Variants in GLP2R observed in about 807,000 individuals in gnomAD.
GLP2R encodes glucagon like peptide 2 receptor.
A neutral mutation model predicts 68.2 loss-of-function variants in GLP2R; 59 were observed. The observed-to-expected ratio is 0.87, with a 90% CI of 0.70 to 1.07. The LOEUF is 1.07. Among genes scored for constraint, GLP2R ranks in the 50% least tolerant of loss-of-function variants. The pLI, the probability that GLP2R is intolerant of heterozygous loss-of-function variation, is 0.00. For synonymous variants in GLP2R, 270 were observed against 265.4 expected, an observed-to-expected ratio of 1.02 and a Z score of -0.17; for missense variants, 548 against 677.4, an observed-to-expected ratio of 0.81 and a Z score of 2.12.
Position 9,889,550 on chromosome 17 carries a change from C to T in GLP2R, c.1507C>T (p.Leu503=), listed in dbSNP as rs772412979. ...LQPSLNSGRL[L]HLAMRGLGEL... is the part of the protein sequence containing the mutation. ...GCCCTCACTTAACAGTGGGCGGCTC[C>T]TACATCTAGCCATGCGAGGTCTTGG... The change falls in exon 13 of 13, where the codon CTA becomes TTA. Residue 503 remains leucine, a synonymous_variant. Coordinates refer to ENST00000262441, the MANE Select transcript of GLP2R (RefSeq NM_004246.3). 6 of 1,614,122 alleles carry T rather than the reference C, an allele frequency of 3.7e-6. No homozygotes were observed. In the East Asian group the frequency reaches 1.1e-4, roughly 30 times the overall value.
chr17:9,870,689 A>G (rs2067084133), intron 9 of GLP2R, 58 bp from the exon 10 acceptor site: 2 of 826,598 alleles, frequency 2.4e-6, no homozygotes, highest in African/African-American at 1.7e-5. Flanking sequence ...CTGACCTTGA[A>G]GTTCACAGCT....
At chr17:9,854,173 A>T (rs1315179288) in intron 4 of GLP2R, among the ~76,000 whole-genome samples, 1 of 152,170 alleles carries the variant, frequency 6.6e-6, no homozygotes, top group Non-Finnish European at 1.5e-5. Flanking sequence ...GCCTGTTCTC[A>T]TTCCCAAGGC....
intron 4 of GLP2R, chr17:9,853,274 C>T (rs1393313536): frequency 1.4e-5 from 4 of 278,684 alleles, no homozygotes; most frequent in Admixed American, 4.1e-5. Context: ...CTGGGGCCTC[C>T]GGGGGCTCAT....
chr17:9,881,004 G>A (rs1055042312), intron 11 of GLP2R, among the ~76,000 whole-genome samples: 4 of 152,138 alleles, frequency 2.6e-5, no homozygotes, highest in Non-Finnish European at 4.4e-5. Context: ...TTGTTACCTG[G>A]AAATATTTTG....
chr17:9,879,809 C>A (rs2067179236), intron 10 of GLP2R, among the ~76,000 whole-genome samples: 1 of 152,150 alleles, frequency 6.6e-6, no homozygotes, highest in South Asian at 2.1e-4. Context: ...TAAGGGGCAA[C>A]ATGAGGGCTG....
chr17:9,889,023 A>G (rs1567742198), intron 12 of GLP2R, among the ~76,000 whole-genome samples: 2 of 152,194 alleles, frequency 1.3e-5, no homozygotes, highest in Non-Finnish European at 2.9e-5. Context: ...AAGCTTCTTG[A>G]CAGCAAAACC....
At chr17:9,837,019 A>T (rs1279376716) in intron 3 of GLP2R, among the ~76,000 whole-genome samples, 4 of 151,694 alleles carry the variant, frequency 2.6e-5, no homozygotes, top group African/African-American at 9.7e-5. Context: ...CACTCGGCTA[A>T]TTTTTTTGTA....
intron 8 of GLP2R, 87 bp from the exon 9 acceptor site, chr17:9,861,934 T>C: frequency 1.1e-6 from 1 of 923,030 alleles, no homozygotes; most frequent in Non-Finnish European, 1.8e-6. Flanking sequence ...AGTGCAAGCA[T>C]CCTTCTTCCA....
At chr17:9,849,288 T>C (rs1166298035) in intron 4 of GLP2R, among the ~76,000 whole-genome samples, 24 of 152,074 alleles carry the variant, frequency 1.6e-4, no homozygotes, top group Admixed American at 1.6e-3. Flanking sequence ...TTCTGAAATA[T>C]TCAAAACTAA....
chr17:9,889,556 C>G lies in GLP2R; in HGVS notation c.1513C>G (p.Leu505Val). Reference sequence around the variant, plus strand: ...ACTTAACAGTGGGCGGCTCCTACATCTAGCCATGCGAGGTCTTGGGGAGCT... The same window carrying G: ...ACTTAACAGTGGGCGGCTCCTACATGTAGCCATGCGAGGTCTTGGGGAGCT... Reference protein sequence around the residue: ...PSLNSGRLLHLAMRGLGELGA... With the variant: ...PSLNSGRLLHVAMRGLGELGA... Residue 505 changes from leucine to valine, a missense_variant, in exon 13 of 13, where the codon CTA becomes GTA. Transcript: ENST00000262441. The G allele has an allele frequency of 6.2e-7, 1 of 1,614,216 alleles. No individual in the cohort carries two copies. Among genetic ancestry groups the G allele is most frequent in the Non-Finnish European group, 8.5e-7 (1 of 1,180,030 alleles).
rs2067273702 is a variant in GLP2R at position 9,889,615 on chromosome 17, GCCCCGGGGCAGCAGCCTGT to G, written c.1575_1593del (p.Arg526SerfsTer37). On this transcript the variant is annotated frameshift_variant, in exon 13 of 13. Transcript: ENST00000262441. LOFTEE classifies it high-confidence loss of function. ...AGCCCCAACAGGACCATGCACGCTG[GCCCCGGGGCAGCAGCCTGT>G]CCGAGTGCAGTGAGGGGGATGTCAC... is the stretch of plus-strand genomic sequence containing the variant. 3 of 1,613,582 alleles carry G rather than the reference GCCCCGGGGCAGCAGCCTGT, an allele frequency of 1.9e-6. No homozygotes were observed. Among genetic ancestry groups the G allele is most frequent in the Admixed American group, 1.7e-5 (1 of 59,976 alleles).
intron 10 of GLP2R, among the ~76,000 whole-genome samples, chr17:9,877,891 A>T (rs1426350862): frequency 6.6e-6 from 1 of 152,082 alleles, no homozygotes; most frequent in Non-Finnish European, 1.5e-5. Flanking sequence ...AAAAAAAAAA[A>T]AAAACGTTAG....
intron 5 of GLP2R, among the ~76,000 whole-genome samples, chr17:9,855,145 A>G (rs2066924096): frequency 6.6e-6 from 1 of 152,212 alleles, no homozygotes; most frequent in Admixed American, 6.5e-5. Flanking sequence ...TAATGGGGGA[A>G]CTATGGTATT....
intron 5 of GLP2R, among the ~76,000 whole-genome samples, chr17:9,855,258 A>G (rs1187315452): frequency 6.6e-6 from 1 of 152,186 alleles, no homozygotes. Context: ...GCTAAGTCCA[A>G]TCCATCCCAT....
intron 3 of GLP2R, among the ~76,000 whole-genome samples, chr17:9,840,118 A>ATCTACTT (rs2066771975): frequency 6.6e-6 from 1 of 151,952 alleles, no homozygotes; most frequent in Non-Finnish European, 1.5e-5. Flanking sequence ...CTGGGATTAC[A>ATCTACTT]GGCACACATC....
At chr17:9,870,414 C>T (rs996557753) in intron 9 of GLP2R, among the ~76,000 whole-genome samples, 1 of 152,102 alleles carries the variant, frequency 6.6e-6, no homozygotes, top group African/African-American at 2.4e-5. Context: ...ATAATGTGAA[C>T]GTCCACCTGC....
At chr17:9,829,830 A>G (rs953278788) in intron 1 of GLP2R, among the ~76,000 whole-genome samples, 20 of 152,216 alleles carry the variant, frequency 1.3e-4, no homozygotes, top group African/African-American at 4.6e-4. Context: ...TGTGATTTCT[A>G]TTTCATCTAC....
At chr17:9,879,083 C>T (rs1288239041) in intron 10 of GLP2R, among the ~76,000 whole-genome samples, 1 of 151,810 alleles carries the variant, frequency 6.6e-6, no homozygotes, top group African/African-American at 2.4e-5. Context: ...TATTTCCAAA[C>T]CTGTATACTT....
At position 9,838,543 on chromosome 17, in the gene GLP2R, A is replaced by G. The variant is rs2066755108; in HGVS notation, c.382+2068A>G. Among the ~76,000 whole-genome samples, 9 of 152,142 alleles carry G rather than the reference A, an allele frequency of 5.9e-5. 1 individual carries two copies. The highest frequency in any genetic ancestry group is 5.9e-4 in the Admixed American group (9 of 15,274). ...GCTCACTGTCTACCTGTCCCTTTCC[A>G]AGAGCTAAAAACACAGATCCATTCC... On this transcript the variant is annotated intron_variant, in intron 3 of 12. Coordinates refer to ENST00000262441, the MANE Select transcript of GLP2R (RefSeq NM_004246.3).
Sources: gnomAD v4.1 joint callset for allele counts (sites outside exome capture counted in the v4.1 genomes callset) on GRCh38, gnomAD v4.1.1 for gene constraint, MANE v1.5 for transcripts, NCBI Gene and HGNC (gene_info 2026-07-23, HGNC 2026-07-21) for gene names.